GALNT9: variants seen among roughly 807,000 people sequenced by gnomAD.
GALNT9 encodes GalNAc transferase 9.
Under a neutral mutation model 63.1 loss-of-function variants are expected in GALNT9, and 47 were observed. The observed-to-expected ratio is 0.75, with a 90% CI of 0.59 to 0.95. The LOEUF is 0.95. Among genes scored for constraint, GALNT9 ranks in the 40% least tolerant of loss-of-function variants. The pLI, the probability that GALNT9 is intolerant of heterozygous loss-of-function variation, is 0.00. For synonymous variants in GALNT9, 396 were observed against 365.7 expected (o/e 1.08, Z -0.94); for missense variants, 829 against 874.8 (o/e 0.95, Z 0.66).
intron 6 of GALNT9, 78 bp from the exon 7 acceptor site, chr12:132,203,768 G>T: frequency 6.8e-7 from 1 of 1,474,538 alleles, no homozygotes; most frequent in African/African-American, 1.6e-5. Context: ...GCCCGTGAGA[G>T]GCCAAGGGGC....
intron 1 of GALNT9, among the ~76,000 whole-genome samples, chr12:132,293,602 A>C (rs551829585): frequency 5.0e-4 from 76 of 152,236 alleles, no homozygotes; most frequent in Non-Finnish European, 9.3e-4. Context: ...CACAAAAAGC[A>C]CAAAAATGTA....
In GALNT9 at chr12:132,197,039, G is replaced by T; in HGVS notation, c.*68C>A. 3 of 1,589,252 alleles carry T rather than the reference G, an allele frequency of 1.9e-6. No individual in the cohort carries two copies. The highest frequency in any genetic ancestry group is 2.2e-5 in the East Asian group (1 of 44,572). ...TGCTGTGTCTGCCGGGCACACCCCGGTCACTCAGCCACACTGGCTCGGCCC... is the reference window on the plus strand; with the variant it reads ...TGCTGTGTCTGCCGGGCACACCCCGTTCACTCAGCCACACTGGCTCGGCCC... On this transcript the variant is annotated 3_prime_UTR_variant, in exon 11 of 11. Coordinates refer to ENST00000328957, the MANE Select transcript of GALNT9 (RefSeq NM_001122636.2).
intron 5 of GALNT9, among the ~76,000 whole-genome samples, chr12:132,255,688 C>T (rs1012701662): frequency 6.6e-6 from 1 of 152,248 alleles, no homozygotes; most frequent in African/African-American, 2.4e-5. Flanking sequence ...TCCCCACTTC[C>T]GGTCCTCCCG....
intron 2 of GALNT9, among the ~76,000 whole-genome samples, chr12:132,264,152 G>A (rs531918432): frequency 6.6e-6 from 1 of 152,198 alleles, no homozygotes; most frequent in Non-Finnish European, 1.5e-5. Context: ...GCCTTTTATT[G>A]ATGGATCTCA....
rs1266638187 is a variant in GALNT9 at position 132,327,309 on chromosome 12, C to G, written c.238+1657G>C. On this transcript the variant is annotated intron_variant, in intron 1 of 10. Transcript: ENST00000328957. The surrounding 1 kb of genome is among the most constrained non-coding windows in gnomAD (Gnocchi z 4.3). Reference sequence around the variant, plus strand: ...GCGGTGGGCGGTGGGGGGAGACACACTTTCCCGGAATGCTTCCTTATCTCC... The same window carrying G: ...GCGGTGGGCGGTGGGGGGAGACACAGTTTCCCGGAATGCTTCCTTATCTCC... Among the ~76,000 whole-genome samples the G allele has an allele frequency of 6.6e-6, 1 of 151,874 alleles. No individual in the cohort carries two copies. The highest frequency in any genetic ancestry group is 1.5e-5 in the Non-Finnish European group (1 of 67,936).
In GALNT9 at chr12:132,310,115, T is replaced by G. The variant is rs1555245047; in HGVS notation, c.238+18851A>C. Among the ~76,000 whole-genome samples, 1 of 152,232 alleles carries G rather than the reference T, an allele frequency of 6.6e-6. No individual in the cohort carries two copies. Among genetic ancestry groups the G allele is most frequent in the Admixed American group, 6.5e-5 (1 of 15,286 alleles). ...ACAGCCCTGTACTGTTTTTCGTGCC[T>G]GGAACCAGGACTCAATGCTCGGGGC... On this transcript the variant is annotated intron_variant, in intron 1 of 10. Transcript: ENST00000328957. This position sits in a 1 kb window ranked among gnomAD's most constrained non-coding sequence, Gnocchi z 4.8.
In GALNT9 at chr12:132,286,466, C is replaced by T. The variant is rs1448268829; in HGVS notation, c.239-36G>A. 5 of 1,528,996 alleles carry T rather than the reference C, an allele frequency of 3.3e-6. No homozygotes were observed. Among genetic ancestry groups the T allele is most frequent in the Non-Finnish European group, 3.5e-6 (4 of 1,137,474 alleles). 94.7% of individuals were successfully genotyped at this position (1,528,996 alleles called of 1,614,324 possible). A position where few individuals can be genotyped will look rare whatever the true frequency, so the allele number is the denominator to read the frequency against. ...GGAAGAGAGGGAGGTCAGGCAGGCC[C>T]AGGACACGCTGCGTCTGCACCCAGG... On this transcript the variant is annotated intron_variant, in intron 1 of 10. Coordinates refer to ENST00000328957, the MANE Select transcript of GALNT9 (RefSeq NM_001122636.2). The surrounding 1 kb of genome is among the most constrained non-coding windows in gnomAD (Gnocchi z 7.4).
At chr12:132,207,879 C>T (rs1593470158) in intron 6 of GALNT9, among the ~76,000 whole-genome samples, 1 of 152,178 alleles carries the variant, frequency 6.6e-6, no homozygotes, top group African/African-American at 2.4e-5. Context: ...TTTCCAATCC[C>T]TGCAAAACAG....
chr12:132,199,671 C>T (rs1017878679), intron 8 of GALNT9, among the ~76,000 whole-genome samples: 8 of 152,110 alleles, frequency 5.3e-5, no homozygotes, highest in African/African-American at 1.2e-4. Context: ...GGAGACCTTC[C>T]AGCTTCCACT....
intron 1 of GALNT9, among the ~76,000 whole-genome samples, chr12:132,304,214 T>TCACCC (rs1881456741): frequency 2.7e-4 from 3 of 10,962 alleles, no homozygotes; most frequent in Non-Finnish European, 3.2e-4. Flanking sequence ...CGCCCTCACC[T>TCACCC]GGGCACATCC....
chr12:132,322,309 C>A (rs1373876050), intron 1 of GALNT9, among the ~76,000 whole-genome samples: 1 of 152,212 alleles, frequency 6.6e-6, no homozygotes, highest in Non-Finnish European at 1.5e-5. Flanking sequence ...GATGTCAGCC[C>A]CTGAGGTGGG....
intron 1 of GALNT9, among the ~76,000 whole-genome samples, chr12:132,306,968 G>A (rs568072524): frequency 6.6e-5 from 10 of 152,246 alleles, no homozygotes; most frequent in African/African-American, 1.7e-4. Context: ...GGAGCGTGGC[G>A]GGGAATCTGA....
rs1232337997 is a variant in GALNT9, at chr12:132,257,717, C to G, written c.931G>C (p.Asp311His). 8 of 1,550,152 alleles carry G rather than the reference C, an allele frequency of 5.2e-6. No homozygotes were observed. The East Asian group carries it at 1.5e-4, about 28-fold the overall frequency. ...ATGGGTGCTGACTCGTCGCCGCGGT[C>G]CAGCCAGTCCTGCGGGGGGATGATG... The part of the protein sequence containing the change: ...MYIIPPQDWL[D>H]RGDESAPIRT... The change falls in exon 5 of 11, where the codon GAC becomes CAC. Residue 311 changes from aspartate (D) to histidine (H), a missense_variant. Asp to His is a moderately conservative substitution (Grantham distance 81). Transcript: ENST00000328957.
chr12:132,312,347 G>A (rs1555245266), intron 1 of GALNT9, among the ~76,000 whole-genome samples: 1 of 152,238 alleles, frequency 6.6e-6, no homozygotes, highest in East Asian at 1.9e-4. Flanking sequence ...CTTCCCTTTG[G>A]AAAGCATGCA....
At chr12:132,311,862 G>C (rs1247126684) in intron 1 of GALNT9, among the ~76,000 whole-genome samples, 1 of 152,226 alleles carries the variant, frequency 6.6e-6, no homozygotes, top group Non-Finnish European at 1.5e-5. Flanking sequence ...ACAGCAGGCA[G>C]AGTGTCCCAC....
intron 1 of GALNT9, among the ~76,000 whole-genome samples, chr12:132,323,545 G>A (rs1868896769): frequency 6.6e-6 from 1 of 152,250 alleles, no homozygotes; most frequent in African/African-American, 2.4e-5. Flanking sequence ...TCTGGGGGCA[G>A]CGATGGGGAG....
At chr12:132,269,439 C>G (rs187942038) in intron 2 of GALNT9, among the ~76,000 whole-genome samples, 2 of 151,994 alleles carry the variant, frequency 1.3e-5, no homozygotes, top group Non-Finnish European at 2.9e-5. Flanking sequence ...GCGGGAGCCA[C>G]GGAGTCCCAT....
Position 132,230,699 on chromosome 12 carries a change from A to G in GALNT9, c.1077+17211T>C, listed in dbSNP as rs950077991. 1.1e-4 allele frequency among the ~76,000 whole-genome samples: 16 copies of G among 152,312 alleles called. No homozygotes were observed. In the East Asian group the frequency reaches 3.1e-3, roughly 29 times the overall value. ...GAAGGGTGAGGCCCGGTCCTCCTGTAGCTGGGACACGGCATATTTTGGCAG... is the reference window on the plus strand; with the variant it reads ...GAAGGGTGAGGCCCGGTCCTCCTGTGGCTGGGACACGGCATATTTTGGCAG... On this transcript the variant is annotated intron_variant, in intron 6 of 10. Transcript: ENST00000328957.
chr12:132,288,822 C>T (rs145743589), intron 1 of GALNT9, among the ~76,000 whole-genome samples: 3,282 of 149,542 alleles, frequency 0.022, 40 homozygotes, highest in Middle Eastern at 0.091. Flanking sequence ...GGTGGCTGAG[C>T]GTGGTTTCGG....
Sources: allele counts gnomAD v4.1 joint callset (sites outside exome capture counted in the v4.1 genomes callset), GRCh38; gene constraint gnomAD v4.1.1; non-coding constraint Gnocchi (gnomAD v3.1); transcripts MANE v1.5; gene names NCBI Gene and HGNC (gene_info 2026-07-23, HGNC 2026-07-21).